MYPN: variants seen among roughly 807,000 people sequenced by gnomAD.
The protein encoded by MYPN is sarcomeric protein myopalladin, 145 kDa (MYOP).
Under a neutral mutation model 129.4 loss-of-function variants are expected in MYPN, and 63 were observed. The observed-to-expected ratio is 0.49, with a 90% confidence interval of 0.40 to 0.60. MYPN has a LOEUF of 0.60. Ranked by LOEUF, MYPN falls within the 20% of genes least tolerant of loss-of-function variation. The pLI is 0.00. For synonymous variants in MYPN, 629 were observed against 600.9 expected (o/e 1.05, Z -0.68); for missense variants, 1,596 against 1,635.4 (o/e 0.98, Z 0.42).
At chr10:68,174,877 G>C (rs1010693060) in intron 11 of MYPN, among the ~76,000 whole-genome samples, 1 of 152,194 alleles carries the variant, frequency 6.6e-6, no homozygotes. Flanking sequence ...ACTCATGCCT[G>C]TAATCCCAGC....
At chr10:68,103,082 A>T (rs2041989847), upstream of MYPN, among the ~76,000 whole-genome samples, 1 of 152,226 alleles carries the variant, frequency 6.6e-6, no homozygotes, top group African/African-American at 2.4e-5. Context: ...AAATGGATGA[A>T]AAAGCAAAAC....
intron 11 of MYPN, 96 bp from the exon 12 acceptor site, chr10:68,175,227 G>A (rs2043208517): frequency 7.5e-7 from 1 of 1,335,370 alleles, no homozygotes; most frequent in Admixed American, 1.8e-5. Flanking sequence ...AATGACCGCT[G>A]GTTTCTGGTT....
chr10:68,108,909 C>T (rs756970685), upstream of MYPN, among the ~76,000 whole-genome samples: 1 of 151,986 alleles, frequency 6.6e-6, no homozygotes, highest in Non-Finnish European at 1.5e-5. Context: ...TTAGTGGAGA[C>T]GGGGTTTCGC....
At chr10:68,175,650 A>T (rs1350825449) in intron 12 of MYPN, among the ~76,000 whole-genome samples, 189 bp downstream of exon 12, 1 of 148,242 alleles carries the variant, frequency 6.7e-6, no homozygotes, top group East Asian at 2.1e-4. Context: ...TAATTCTCCC[A>T]GTAGTTAACT....
chr10:68,156,038 C>A (rs1474482682), intron 6 of MYPN, among the ~76,000 whole-genome samples: 1 of 152,150 alleles, frequency 6.6e-6, no homozygotes, highest in Non-Finnish European at 1.5e-5. Flanking sequence ...GCAAGCAGGG[C>A]TTTTGTGTAA....
intron 1 of MYPN, among the ~76,000 whole-genome samples, chr10:68,095,477 G>T (rs74143003): frequency 0.075 from 11,412 of 152,100 alleles, 1,114 homozygotes; most frequent in African/African-American, 0.23. Context: ...TCACACTGCA[G>T]ACCAGGGTCT....
Position 68,194,235 on chromosome 10 carries a change from T to A in MYPN, c.2926-128T>A, listed in dbSNP as rs71584495. 8.5e-3 allele frequency: 8,056 copies of A among 944,466 alleles called. 66 individuals are homozygous for A. The highest frequency in any genetic ancestry group is 8.3e-3 in the Non-Finnish European group (5,146 of 617,346). 58.5% of individuals were successfully genotyped at this position (944,466 alleles called of 1,614,324 possible). Reference sequence around the variant, plus strand: ...ATTTTTAATATGTTTTATAACTTTTTTTCAAGTGCTTCATAAAGTATGGTC... The same window carrying A: ...ATTTTTAATATGTTTTATAACTTTTATTCAAGTGCTTCATAAAGTATGGTC... On this transcript the variant is annotated intron_variant, in intron 13 of 19. Coordinates refer to ENST00000358913, the MANE Select transcript of MYPN (RefSeq NM_032578.4).
At chr10:68,206,528 T>C (rs1177850357) in intron 18 of MYPN, among the ~76,000 whole-genome samples, 4 of 152,132 alleles carry the variant, frequency 2.6e-5, no homozygotes, top group Non-Finnish European at 4.4e-5. Context: ...GTTCTGCTGG[T>C]GGGGAGCGCA....
At chr10:68,154,372 G>A (rs146891750) in intron 6 of MYPN, among the ~76,000 whole-genome samples, 693 of 152,332 alleles carry the variant, frequency 4.5e-3, no homozygotes, top group South Asian at 0.015. Context: ...TTTGAAGAGT[G>A]CAAGGGGGCA....
At chr10:68,123,928 T>G (rs1415874057) in intron 2 of MYPN, among the ~76,000 whole-genome samples, 1 of 152,166 alleles carries the variant, frequency 6.6e-6, no homozygotes, top group Non-Finnish European at 1.5e-5. Flanking sequence ...AGAATTGGGC[T>G]GAGGCTAAAG....
At chr10:68,202,242 C>T (rs918321465) in intron 18 of MYPN, among the ~76,000 whole-genome samples, 3 of 152,138 alleles carry the variant, frequency 2.0e-5, no homozygotes, top group Admixed American at 6.5e-5. Context: ...GCCATCCTGG[C>T]TAACATAGTG....
rs1244225413 is a variant in MYPN, at chr10:68,197,451, GGGGCGCCTCT to G, written c.3260_3269del (p.Gly1087ValfsTer7). The stretch of plus-strand genomic sequence containing the variant: ...CTCCTGGGGATATGGTAGCTCATGA[GGGGCGCCTCT>G]GTCGGCTGGACTGTAAGGTAGACTC... On this transcript the variant is annotated frameshift_variant, in exon 16 of 20. Coordinates refer to ENST00000358913, the MANE Select transcript of MYPN (RefSeq NM_032578.4). LOFTEE classifies it high-confidence loss of function. 2 of 1,613,982 alleles carry G rather than the reference GGGGCGCCTCT, an allele frequency of 1.2e-6. No homozygotes were observed. Among genetic ancestry groups the G allele is most frequent in the Admixed American group, 3.3e-5 (2 of 60,016 alleles).
intron 2 of MYPN, among the ~76,000 whole-genome samples, chr10:68,134,067 AATC>A: frequency 6.6e-6 from 1 of 152,318 alleles, no homozygotes; most frequent in South Asian, 2.1e-4. Context: ...GAAGGGAAGA[AATC>A]ATTCTTCAAA....
intron 12 of MYPN, among the ~76,000 whole-genome samples, chr10:68,176,097 A>G (rs1006969900): frequency 6.6e-6 from 1 of 152,114 alleles, no homozygotes; most frequent in Admixed American, 6.6e-5. Context: ...TCTTCAATCT[A>G]ATGTGCTTAA....
At chr10:68,109,271 G>T (rs1258948209), upstream of MYPN, 8 of 214,216 alleles carry the variant, frequency 3.7e-5, no homozygotes, top group Non-Finnish European at 6.8e-5. Flanking sequence ...GATGAACTAT[G>T]GTATAATGCA....
intron 2 of MYPN, among the ~76,000 whole-genome samples, chr10:68,135,708 C>G (rs1490640876): frequency 2.6e-5 from 4 of 152,146 alleles, no homozygotes; most frequent in Non-Finnish European, 5.9e-5. Flanking sequence ...ATTCAGTTAA[C>G]ATTCACACAA....
intron 1 of MYPN, among the ~76,000 whole-genome samples, chr10:68,100,132 T>C (rs2041975306): frequency 6.6e-6 from 1 of 152,210 alleles, no homozygotes; most frequent in Non-Finnish European, 1.5e-5. Context: ...CACAGTAGCA[T>C]ATAATTTTTT....
chr10:68,188,706 G>A (rs956636821), intron 12 of MYPN, among the ~76,000 whole-genome samples, 199 bp from the exon 13 acceptor site: 5 of 152,218 alleles, frequency 3.3e-5, no homozygotes, highest in Admixed American at 6.5e-5. Context: ...CACTAAGGCC[G>A]TGTGGGATTT....
chr10:68,095,027 C>T (rs1011517857), intron 1 of MYPN, among the ~76,000 whole-genome samples: 1 of 152,156 alleles, frequency 6.6e-6, no homozygotes, highest in African/African-American at 2.4e-5. Context: ...CACCATTGCA[C>T]TCCAGCCTGG....
Sources: allele counts gnomAD v4.1 joint callset (sites outside exome capture counted in the v4.1 genomes callset), GRCh38; gene constraint gnomAD v4.1.1; transcripts MANE v1.5; gene names NCBI Gene and HGNC (gene_info 2026-07-23, HGNC 2026-07-21).